Variants in RTEL1 observed in about 807,000 individuals in gnomAD.
RTEL1 encodes regulator of telomere elongation helicase 1.
A neutral mutation model predicts 162.2 loss-of-function variants in RTEL1; 86 were observed. The observed-to-expected ratio is 0.53, with a 90% CI of 0.45 to 0.63. RTEL1 has a LOEUF of 0.63. Among genes scored for constraint, RTEL1 ranks in the 30% least tolerant of loss-of-function variants. RTEL1 has a pLI of 0.00. For missense variants in RTEL1, 1,941 were observed against 1,750.2 expected, an observed-to-expected ratio of 1.11 and a Z score of -1.95; for synonymous variants, 958 against 717.9, an observed-to-expected ratio of 1.33 and a Z score of -5.35.
chr20:63,659,508 G>A lies in RTEL1; in HGVS notation c.102+4G>A. The stretch of plus-strand genomic sequence containing the variant: ...GGTCCTGGAATGTCTGCAGCAGGTA[G>A]AGCACAGGCCCCGAGGAAAGGACTG... On this transcript the variant is annotated splice_donor_region_variant and intron_variant, in intron 2 of 34. Transcript: ENST00000360203. The A allele has an allele frequency of 6.2e-7, 1 of 1,608,310 alleles. No individual in the cohort carries two copies. The highest frequency in any genetic ancestry group is 8.5e-7 in the Non-Finnish European group (1 of 1,174,698).
At chr20:63,692,222 A>C in intron 28 of RTEL1, 1 of 227,724 alleles carries the variant, frequency 4.4e-6, no homozygotes, top group Non-Finnish European at 8.8e-6. Context: ...GGAAAACCCC[A>C]AGTGTGGCGG....
At position 63,668,583 on chromosome 20, in the gene RTEL1, A is replaced by G. The variant is rs572362102; in HGVS notation, c.699+1030A>G. On this transcript the variant is annotated intron_variant, in intron 8 of 34. Coordinates refer to ENST00000360203, the MANE Select transcript of RTEL1 (RefSeq NM_001283009.2). The surrounding 1 kb of genome is among the most constrained non-coding windows in gnomAD (Gnocchi z 4.3). The stretch of plus-strand genomic sequence containing the variant: ...TGAGGGGAGCCTCAGCAGGTGCAGC[A>G]GAGCAAGGGAAGAGGTGAGTGGGGG... 6.6e-6 allele frequency among the ~76,000 whole-genome samples: 1 copy of G among 152,250 alleles called. No individual in the cohort carries two copies. The highest frequency in any genetic ancestry group is 1.9e-4 in the East Asian group (1 of 5,174).
chr20:63,667,247 G>A (rs1050791055), intron 7 of RTEL1, among the ~76,000 whole-genome samples: 5 of 152,032 alleles, frequency 3.3e-5, no homozygotes, highest in Non-Finnish European at 5.9e-5. Context: ...TTACATGGTC[G>A]GAAACTCACG....
chr20:63,695,124 C>A lies in RTEL1; in HGVS notation c.3402C>A (p.Asp1134Glu). The A allele has an allele frequency of 6.2e-7, 1 of 1,612,422 alleles. No individual in the cohort carries two copies. The highest frequency in any genetic ancestry group is 8.5e-7 in the Non-Finnish European group (1 of 1,179,864). The change falls in exon 33 of 35, where the codon GAC becomes GAA. Residue 1134 changes from aspartate (D) to glutamate (E), a missense_variant. Physicochemically the swap from Asp to Glu is conservative, Grantham distance 45 (BLOSUM62 2). Transcript: ENST00000360203. The stretch of plus-strand genomic sequence containing the variant: ...AGCGCTTCTCACAGACGTGCACAGA[C>A]CTGACCGGCCGGCCCTACCCGGGCA... ...HKQRFSQTCT[D>E]LTGRPYPGME...
chr20:63,679,947 G>A lies in RTEL1; in HGVS notation c.1135+1G>A, dbSNP rs1555903332. ...CAGATCATCCAGCACCTGGCAGGAC[G>A]TGAGTGCTGGCACGGGGTCTTTGGT... On this transcript the variant is annotated splice_donor_variant, in intron 13 of 34. Transcript: ENST00000360203. LOFTEE classifies it high-confidence loss of function. The A allele has an allele frequency of 6.2e-7, 1 of 1,607,364 alleles. No individual in the cohort carries two copies. Among genetic ancestry groups the A allele is most frequent in the Non-Finnish European group, 8.5e-7 (1 of 1,175,974 alleles).
At chr20:63,674,916 T>C (rs889066687) in intron 10 of RTEL1, among the ~76,000 whole-genome samples, 7 of 151,916 alleles carry the variant, frequency 4.6e-5, no homozygotes, top group African/African-American at 1.4e-4. Context: ...CTTTCTTTTT[T>C]TTTTTTTTGA....
chr20:63,690,985 T>C, intron 27 of RTEL1, 38 bp downstream of exon 27: 1 of 1,526,628 alleles, frequency 6.6e-7, no homozygotes, highest in Non-Finnish European at 8.8e-7. Flanking sequence ...ACAGACCCTC[T>C]GTCTCCTGAG....
intron 14 of RTEL1, among the ~76,000 whole-genome samples, chr20:63,684,434 A>T (rs1200003067): frequency 6.6e-6 from 1 of 151,394 alleles, no homozygotes; most frequent in East Asian, 2.0e-4. Flanking sequence ...GCTCACTGCA[A>T]GCTCCGCCTC....
At chr20:63,681,982 G>A (rs2090485862) in intron 14 of RTEL1, 1 of 985,446 alleles carries the variant, frequency 1.0e-6, no homozygotes, top group Non-Finnish European at 1.2e-6. Context: ...CTATCAGGCG[G>A]ACCTGCTTCC....
In RTEL1 at chr20:63,661,573, C is replaced by A; in HGVS notation, c.301+77C>A. Reference sequence around the variant, plus strand: ...GGGATGGCGCTGAGGGTGGGGTGGGCCCATGGGGACTCCTGCCGTCTCTCA... The same window carrying A: ...GGGATGGCGCTGAGGGTGGGGTGGGACCATGGGGACTCCTGCCGTCTCTCA... On this transcript the variant is annotated intron_variant, in intron 3 of 34. Coordinates refer to ENST00000360203, the MANE Select transcript of RTEL1 (RefSeq NM_001283009.2). The surrounding 1 kb of genome is among the most constrained non-coding windows in gnomAD (Gnocchi z 5.1). The A allele has an allele frequency of 7.2e-7, 1 of 1,383,684 alleles. No homozygotes were observed. Among genetic ancestry groups the A allele is most frequent in the Non-Finnish European group, 9.9e-7 (1 of 1,012,888 alleles). 85.7% of individuals were successfully genotyped at this position (1,383,684 alleles called of 1,614,324 possible). A position where few individuals can be genotyped will look rare whatever the true frequency, so the allele number is the denominator to read the frequency against.
At position 63,661,276 on chromosome 20, in the gene RTEL1, C is replaced by T; in HGVS notation, c.103-22C>T. ...CGCCTCTTCCTGGCTTCCCCGTAAC[C>T]CTTGCTCCGAACTCCGTTCAGAAGG... On this transcript the variant is annotated intron_variant, in intron 2 of 34. Transcript: ENST00000360203. This position sits in a 1 kb window ranked among gnomAD's most constrained non-coding sequence, Gnocchi z 5.1. 5.0e-6 allele frequency: 8 copies of T among 1,608,666 alleles called. No homozygotes were observed. The highest frequency in any genetic ancestry group is 6.8e-6 in the Non-Finnish European group (8 of 1,177,736).
intron 10 of RTEL1, 33 bp downstream of exon 10, chr20:63,674,126 G>T: frequency 6.4e-7 from 1 of 1,573,324 alleles, no homozygotes; most frequent in Non-Finnish European, 8.6e-7. Flanking sequence ...TGGTCCTGAG[G>T]CCTGCGCTGC....
rs939057661 is a variant in RTEL1 at position 63,668,529 on chromosome 20, C to T, written c.699+976C>T. ...AGCCAAGCGGGCCCAAGTGCGATGT[C>T]GGCGGGAGGTGGGGAATGCTGGTGG... On this transcript the variant is annotated intron_variant, in intron 8 of 34. Transcript: ENST00000360203. This position sits in a 1 kb window ranked among gnomAD's most constrained non-coding sequence, Gnocchi z 4.3. Among the ~76,000 whole-genome samples, 27 of 152,054 alleles carry T rather than the reference C, an allele frequency of 1.8e-4. No individual in the cohort carries two copies. Among genetic ancestry groups the T allele is most frequent in the African/African-American group, 5.5e-4 (23 of 41,456 alleles).
At chr20:63,680,181 T>C (rs1329211571) in intron 13 of RTEL1, among the ~76,000 whole-genome samples, 2 of 152,336 alleles carry the variant, frequency 1.3e-5, no homozygotes, top group East Asian at 3.9e-4. Flanking sequence ...ATCCCATTAT[T>C]CTGCTTTTGA....
intron 12 of RTEL1, among the ~76,000 whole-genome samples, chr20:63,678,813 GGAACA>G (rs1373214480): frequency 8.1e-6 from 1 of 124,214 alleles, no homozygotes; most frequent in Non-Finnish European, 1.6e-5. Flanking sequence ...ACACTCCCAC[GGAACA>G]GCACACACAC....
rs533420625 is a variant in RTEL1 at position 63,679,961 on chromosome 20, G to A, written c.1135+15G>A. ...CCTGGCAGGACGTGAGTGCTGGCAC[G>A]GGGTCTTTGGTGCGGGCAAATGTGG... On this transcript the variant is annotated intron_variant, in intron 13 of 34. Coordinates refer to ENST00000360203, the MANE Select transcript of RTEL1 (RefSeq NM_001283009.2). 29 of 1,593,184 alleles carry A rather than the reference G, an allele frequency of 1.8e-5. No individual in the cohort carries two copies. The African/African-American group carries it at 2.4e-4, about 13-fold the overall frequency.
chr20:63,680,572 C>A, intron 13 of RTEL1, 92 bp from the exon 14 acceptor site: 1 of 1,367,766 alleles, frequency 7.3e-7, no homozygotes, highest in South Asian at 1.2e-5. Context: ...GCTTGGCAGT[C>A]GGGCTGAGCG....
rs1223631116 is a variant in RTEL1, at chr20:63,673,848, C to T, written c.766-92C>T. ...GCTTTGGGAACTTGGCTGTCAGCCT[C>T]CTGTGCCTTCTGCACCCCCACCCCA... is the stretch of plus-strand genomic sequence containing the variant. On this transcript the variant is annotated intron_variant, in intron 9 of 34. Coordinates refer to ENST00000360203, the MANE Select transcript of RTEL1 (RefSeq NM_001283009.2). 8 of 1,442,076 alleles carry T rather than the reference C, an allele frequency of 5.5e-6. No homozygotes were observed. The South Asian group carries it at 9.5e-5, about 17-fold the overall frequency. 89.3% of individuals were successfully genotyped at this position (1,442,076 alleles called of 1,614,324 possible).
rs116247954 is a variant in RTEL1 at position 63,692,976 on chromosome 20, G to A, written c.2824G>A (p.Asp942Asn). 160 of 1,612,630 alleles carry A rather than the reference G, an allele frequency of 9.9e-5. No homozygotes were observed. In the African/African-American group the frequency reaches 1.9e-3, roughly 19 times the overall value. ...AACLGPLFAEDPKKHNLLQGF... is the reference protein window; with the variant it reads ...AACLGPLFAENPKKHNLLQGF... Reference sequence around the variant, plus strand: ...CTGTCTCGGCCCCCTCTTTGCTGAGGACCCCAAGAAGCACAACCTGCTCCA... The same window carrying A: ...CTGTCTCGGCCCCCTCTTTGCTGAGAACCCCAAGAAGCACAACCTGCTCCA... Residue 942 changes from aspartate (D) to asparagine (N), a missense_variant, in exon 29 of 35, where the codon GAC (aspartate) becomes AAC (asparagine). Asp to Asn is a conservative substitution (Grantham distance 23, BLOSUM62 1). Coordinates refer to ENST00000360203, the MANE Select transcript of RTEL1 (RefSeq NM_001283009.2).
Sources: allele counts gnomAD v4.1 joint callset (sites outside exome capture counted in the v4.1 genomes callset), GRCh38; gene constraint gnomAD v4.1.1; non-coding constraint Gnocchi (gnomAD v3.1); transcripts MANE v1.5; gene names NCBI Gene and HGNC (gene_info 2026-07-23, HGNC 2026-07-21).